DNAH14: variants seen among roughly 807,000 people sequenced by gnomAD.
DNAH14 encodes axonemal beta dynein heavy chain 14.
Under a neutral mutation model 520.9 loss-of-function variants are expected in DNAH14, and 478 were observed. The observed-to-expected ratio is 0.92, with a 90% CI of 0.85 to 0.99. The LOEUF (loss-of-function observed/expected upper bound fraction) is 0.99. DNAH14 is among the 50% of genes least tolerant of loss of function. The pLI is 0.00. For missense variants in DNAH14, 4,831 were observed against 5,234.5 expected, an observed-to-expected ratio of 0.92 and a Z score of 2.38; for synonymous variants, 1,581 against 1,757.2, an observed-to-expected ratio of 0.90 and a Z score of 2.51.
intron 27 of DNAH14, among the ~76,000 whole-genome samples, chr1:225,127,667 G>C (rs957027476): frequency 2.0e-5 from 3 of 152,038 alleles, no homozygotes; most frequent in Non-Finnish European, 4.4e-5. Context: ...TATCCAATTT[G>C]CCAGTCTGTG....
At chr1:225,195,372 G>A (rs932223989) in intron 38 of DNAH14, among the ~76,000 whole-genome samples, 8 of 152,100 alleles carry the variant, frequency 5.3e-5, no homozygotes, top group African/African-American at 1.9e-4. Context: ...GATGGAGCCG[G>A]AGGCCATTAT....
intron 37 of DNAH14, among the ~76,000 whole-genome samples, chr1:225,187,919 T>C (rs1475167521): frequency 6.6e-6 from 1 of 151,850 alleles, no homozygotes; most frequent in Non-Finnish European, 1.5e-5. Context: ...ATGTGAAGTG[T>C]AGGGGTCCAA....
chr1:225,272,082 T>C lies in DNAH14; in HGVS notation c.7839+9T>C, dbSNP rs2093329543. On this transcript the variant is annotated intron_variant, in intron 51 of 85. Coordinates refer to ENST00000682510, the MANE Select transcript of DNAH14 (RefSeq NM_001367479.1). ...TTCGAGATATGTTTAAGGTTTGTTT[T>C]AATGTTCATTCTCTAGTTTATTTTT... 1 of 1,543,838 alleles carries C rather than the reference T, an allele frequency of 6.5e-7. No homozygotes were observed. Among genetic ancestry groups the C allele is most frequent in the East Asian group, 2.5e-5 (1 of 40,748 alleles).
At chr1:225,267,189 A>G (rs958915479) in intron 49 of DNAH14, among the ~76,000 whole-genome samples, 5 of 152,116 alleles carry the variant, frequency 3.3e-5, no homozygotes, top group African/African-American at 1.2e-4. Flanking sequence ...TCTTAAGATC[A>G]CAGATACAGC....
intron 41 of DNAH14, among the ~76,000 whole-genome samples, chr1:225,209,415 T>A (rs971726413): frequency 1.3e-5 from 2 of 151,940 alleles, no homozygotes; most frequent in African/African-American, 4.8e-5. Context: ...GGTTCAAGGT[T>A]CATGGTGGGA....
rs147682072 is a variant in DNAH14 at position 224,987,250 on chromosome 1, A to AAG, written c.830+13106_830+13107dup. Among the ~76,000 whole-genome samples the AAG allele has an allele frequency of 5.0e-3, 756 of 152,170 alleles. 6 individuals carry two copies. Among genetic ancestry groups the AAG allele is most frequent in the African/African-American group, 0.017 (715 of 41,526 alleles). On this transcript the variant is annotated intron_variant, in intron 8 of 85. Transcript: ENST00000682510. ...GTCTGAGTCCAAAGGCCTAAAAACC[A>AAG]AGAGAGAGAGTGATTTAAGTTCCAG... is the stretch of plus-strand genomic sequence containing the variant.
chr1:225,287,429 A>T (rs1296502132), intron 54 of DNAH14, among the ~76,000 whole-genome samples: 1 of 152,170 alleles, frequency 6.6e-6, no homozygotes, highest in Non-Finnish European at 1.5e-5. Context: ...TGGATGGCAG[A>T]TGTTGGAAAC....
chr1:225,347,545 G>A (rs936542330), intron 71 of DNAH14, among the ~76,000 whole-genome samples: 1 of 152,162 alleles, frequency 6.6e-6, no homozygotes, highest in Non-Finnish European at 1.5e-5. Flanking sequence ...ACTAGTTTTT[G>A]TCTTGCCTGA....
At chr1:225,298,737 C>T (rs2150053158) in intron 55 of DNAH14, among the ~76,000 whole-genome samples, 1 of 152,272 alleles carries the variant, frequency 6.6e-6, no homozygotes, top group Non-Finnish European at 1.5e-5. Flanking sequence ...GAAGTACACA[C>T]CTTGTTCTCC....
intron 42 of DNAH14, among the ~76,000 whole-genome samples, chr1:225,240,366 T>C (rs1574229082): frequency 1.3e-5 from 2 of 151,430 alleles, no homozygotes; most frequent in East Asian, 3.9e-4. Flanking sequence ...AAAGTTTGAC[T>C]ACACAAGTTT....
In DNAH14 at chr1:224,964,440, T is replaced by G. The variant is rs367546716; in HGVS notation, c.368-39T>G. On this transcript the variant is annotated intron_variant, in intron 4 of 85. Transcript: ENST00000682510. ...GCATTATCCTTAAGTGATGCCCACA[T>G]TTGCACTTATACTGGATTTTTAAAT... 13 of 1,570,154 alleles carry G rather than the reference T, an allele frequency of 8.3e-6. No individual in the cohort carries two copies. In the African/African-American group the frequency reaches 1.8e-4, roughly 21 times the overall value.
At chr1:225,196,188 G>A (rs774891949) in intron 38 of DNAH14, among the ~76,000 whole-genome samples, 2 of 151,642 alleles carry the variant, frequency 1.3e-5, no homozygotes, top group Non-Finnish European at 1.5e-5. Flanking sequence ...ATTCCCCCTG[G>A]ATCCCCAAAG....
In DNAH14 at chr1:225,266,707, G is replaced by A. The variant is rs2093131935; in HGVS notation, c.7477G>A (p.Glu2493Lys). 2 of 1,526,060 alleles carry A rather than the reference G, an allele frequency of 1.3e-6. No individual in the cohort carries two copies. Among genetic ancestry groups the A allele is most frequent in the East Asian group, 2.5e-5 (1 of 39,842 alleles). The allele number at this position is 1,526,060 out of a possible 1,614,324, so 94.5% of individuals were successfully genotyped here. A position where few individuals can be genotyped will look rare whatever the true frequency, so the allele number is the denominator to read the frequency against. ...TATGTATGGAGCACAGCCACCCCTG[G>A]AATTGATAAGACAATTGTTAGATTT... is the stretch of plus-strand genomic sequence containing the variant. ...SDMYGAQPPLELIRQLLDLGG... is the reference protein window; with the variant it reads ...SDMYGAQPPLKLIRQLLDLGG... Residue 2493 changes from glutamate to lysine, a missense_variant, in exon 49 of 86, where the codon GAA (glutamate) becomes AAA (lysine). Transcript: ENST00000682510.
chr1:225,204,379 T>A lies in DNAH14; in HGVS notation c.5977+106T>A, dbSNP rs16844455. ...AACATGTTTTTTGACTGGTAATATT[T>A]TGTTCCTGTACCATTTATTTGTTCG... On this transcript the variant is annotated intron_variant, in intron 39 of 85. Coordinates refer to ENST00000682510, the MANE Select transcript of DNAH14 (RefSeq NM_001367479.1). 9.2e-3 allele frequency: 6,134 copies of A among 666,372 alleles called. 171 individuals are homozygous for A. Among genetic ancestry groups the A allele is most frequent in the African/African-American group, 0.063 (3,257 of 51,672 alleles). The allele number at this position is 666,372 out of a possible 1,614,324, so 41.3% of individuals were successfully genotyped here.
intron 28 of DNAH14, among the ~76,000 whole-genome samples, chr1:225,141,988 A>T (rs2079503174): frequency 1.3e-5 from 2 of 152,190 alleles, no homozygotes; most frequent in Non-Finnish European, 2.9e-5. Flanking sequence ...AAAATGAAGC[A>T]GACAGAGGCT....
chr1:225,197,478 G>A (rs35161243), intron 38 of DNAH14, among the ~76,000 whole-genome samples: 18,849 of 152,084 alleles, frequency 0.12, 1,318 homozygotes, highest in East Asian at 0.31. Flanking sequence ...GTAATATGGT[G>A]CCTCCAAATT....
intron 55 of DNAH14, among the ~76,000 whole-genome samples, chr1:225,296,155 G>C: frequency 6.6e-6 from 1 of 152,004 alleles, no homozygotes; most frequent in East Asian, 1.9e-4. Context: ...ATTTCTTATA[G>C]GCAGCTTATA....
rs1409462691 is a variant in DNAH14, at chr1:225,084,795, C to T, written c.3328-749C>T. Among the ~76,000 whole-genome samples, 3 of 13,858 alleles carry T rather than the reference C, an allele frequency of 2.2e-4. No individual in the cohort carries two copies. The Non-Finnish European group carries it at 7.6e-3, about 35-fold the overall frequency. The allele number at this position is 13,858 out of a possible 152,430, so 9.1% of individuals were successfully genotyped here. On this transcript the variant is annotated intron_variant, in intron 20 of 85. Coordinates refer to ENST00000682510, the MANE Select transcript of DNAH14 (RefSeq NM_001367479.1). The stretch of plus-strand genomic sequence containing the variant: ...CTTTAACCATAAAGACTTGACAAGG[C>T]TAGATTCACTTCACTGAAATTTTGC...
chr1:225,308,303 G>A lies in DNAH14; in HGVS notation c.9133G>A (p.Glu3045Lys), dbSNP rs1168728093. The part of the protein sequence containing the change: ...QKTKETETLM[E>K]KLRKDSQVVE... ...TCATTAGGAAACAGAAACTCTAATG[G>A]AAAAACTACGGAAAGATTCACAAGT... is the stretch of plus-strand genomic sequence containing the variant. The change falls in exon 60 of 86, where the codon GAA (glutamate) becomes AAA (lysine). Residue 3045 changes from glutamate to lysine, a missense_variant. Transcript: ENST00000682510. The A allele has an allele frequency of 6.5e-7, 1 of 1,538,576 alleles. No homozygotes were observed. The highest frequency in any genetic ancestry group is 2.5e-5 in the East Asian group (1 of 40,338).
Sources: gnomAD v4.1 joint callset for allele counts (sites outside exome capture counted in the v4.1 genomes callset) on GRCh38, gnomAD v4.1.1 for gene constraint, MANE v1.5 for transcripts, NCBI Gene and HGNC (gene_info 2026-07-23, HGNC 2026-07-21) for gene names.